Variants in ITPR2 observed in about 807,000 individuals in gnomAD.
ITPR2 encodes inositol 1,4,5-trisphosphate-gated calcium channel ITPR2.
ITPR2 carries 207 observed loss-of-function variants against 317.1 expected under a neutral mutation model. The ratio of observed to expected loss-of-function variants is 0.65; its 90% confidence interval spans 0.58 to 0.73. The LOEUF (loss-of-function observed/expected upper bound fraction) is 0.73. Ranked by LOEUF, ITPR2 falls within the 30% of genes least tolerant of loss-of-function variation. The pLI, the probability that ITPR2 is intolerant of heterozygous loss-of-function variation, is 0.00. For missense variants in ITPR2, 2,613 were observed against 3,284.0 expected (o/e 0.80, Z 4.99); for synonymous variants, 1,156 against 1,149.1 (o/e 1.01, Z -0.12).
intron 26 of ITPR2, among the ~76,000 whole-genome samples, chr12:26,611,760 G>A (rs1000441396): frequency 1.3e-5 from 2 of 152,106 alleles, no homozygotes; most frequent in Admixed American, 6.5e-5. Context: ...TAAATAAAGC[G>A]GTGGATGAAC....
At chr12:26,609,334 C>A (rs1475071578) in intron 26 of ITPR2, among the ~76,000 whole-genome samples, 1 of 152,158 alleles carries the variant, frequency 6.6e-6, no homozygotes, top group East Asian at 1.9e-4. Flanking sequence ...AGGACAGGCG[C>A]AGGGGCTCAC....
rs991705869 is a variant in ITPR2 at position 26,726,047 on chromosome 12, A to G, written c.164-282T>C. 8.2e-5 allele frequency: 21 copies of G among 256,144 alleles called. No individual in the cohort carries two copies. The South Asian group carries it at 1.4e-3, about 18-fold the overall frequency. 15.9% of individuals were successfully genotyped at this position (256,144 alleles called of 1,614,324 possible). ...CAAACCCATGTAATTGTGGTATTAT[A>G]AGGCATGGATTAATTATAATGGGGC... On this transcript the variant is annotated intron_variant, in intron 2 of 56. Coordinates refer to ENST00000381340, the MANE Select transcript of ITPR2 (RefSeq NM_002223.4).
At chr12:26,728,327 G>A (rs1209390990) in intron 2 of ITPR2, among the ~76,000 whole-genome samples, 1 of 152,134 alleles carries the variant, frequency 6.6e-6, no homozygotes, top group Non-Finnish European at 1.5e-5. Context: ...TCAAGGAGGG[G>A]TAAGTGAAAA....
At chr12:26,485,366 C>T (rs1254483960) in intron 41 of ITPR2, among the ~76,000 whole-genome samples, 1 of 152,196 alleles carries the variant, frequency 6.6e-6, no homozygotes, top group Non-Finnish European at 1.5e-5. Flanking sequence ...CAATCAGATA[C>T]TATCTAATGT....
intron 45 of ITPR2, among the ~76,000 whole-genome samples, chr12:26,456,087 G>T (rs916798169): frequency 6.6e-6 from 1 of 152,148 alleles, no homozygotes; most frequent in Non-Finnish European, 1.5e-5. Flanking sequence ...TTAAACGGGG[G>T]CTGGATAAAA....
At chr12:26,654,344 G>A (rs1277421657) in intron 20 of ITPR2, among the ~76,000 whole-genome samples, 3 of 152,260 alleles carry the variant, frequency 2.0e-5, no homozygotes, top group South Asian at 4.2e-4. Context: ...GACTCAGAGT[G>A]CTTTAAGGTA....
chr12:26,662,061 T>G (rs1389036528), intron 15 of ITPR2, among the ~76,000 whole-genome samples: 1 of 152,206 alleles, frequency 6.6e-6, no homozygotes, highest in Non-Finnish European at 1.5e-5. Context: ...ATATCACCCC[T>G]AGCTCTTACT....
chr12:26,578,709 T>C lies in ITPR2; in HGVS notation c.4630+4A>G, dbSNP rs370159051. The C allele has an allele frequency of 2.5e-6, 4 of 1,595,922 alleles. No homozygotes were observed. Among genetic ancestry groups the C allele is most frequent in the Non-Finnish European group, 3.4e-6 (4 of 1,167,242 alleles). On this transcript the variant is annotated splice_donor_region_variant and intron_variant, in intron 34 of 56. Coordinates refer to ENST00000381340, the MANE Select transcript of ITPR2 (RefSeq NM_002223.4). The stretch of plus-strand genomic sequence containing the variant: ...AAATAAGTAAAACTCAAACTATGAC[T>C]TACCCACTTCAGCCAAAGTTCTGAT...
chr12:26,662,045 T>C (rs1394782353), intron 15 of ITPR2, among the ~76,000 whole-genome samples: 1 of 152,206 alleles, frequency 6.6e-6, no homozygotes, highest in Non-Finnish European at 1.5e-5. Flanking sequence ...ATTTAAGGAT[T>C]TGTTTATATC....
At chr12:26,361,768 T>G (rs1290261324) in intron 55 of ITPR2, among the ~76,000 whole-genome samples, 2 of 152,196 alleles carry the variant, frequency 1.3e-5, no homozygotes, top group Non-Finnish European at 2.9e-5. Context: ...CAAAATACAT[T>G]TATAAGCAAC....
intron 2 of ITPR2, among the ~76,000 whole-genome samples, chr12:26,726,462 T>C (rs1948925648): frequency 6.6e-6 from 1 of 152,210 alleles, no homozygotes. Context: ...TTTCGCCACA[T>C]GCTAATGATT....
At chr12:26,493,998 G>T in intron 39 of ITPR2, 155 bp downstream of exon 39, 1 of 559,766 alleles carries the variant, frequency 1.8e-6, no homozygotes, top group Non-Finnish European at 3.0e-6. Context: ...AGTTTCTACA[G>T]CAAACAAATT....
intron 10 of ITPR2, among the ~76,000 whole-genome samples, chr12:26,687,046 C>T (rs1287670908): frequency 6.6e-6 from 1 of 152,168 alleles, no homozygotes; most frequent in Non-Finnish European, 1.5e-5. Context: ...ATACCTAACT[C>T]CCCAGGCATA....
intron 26 of ITPR2, among the ~76,000 whole-genome samples, chr12:26,610,614 C>T (rs116761573): frequency 0.016 from 2,467 of 152,030 alleles, 72 homozygotes; most frequent in African/African-American, 0.057. Flanking sequence ...AATTCAAACT[C>T]CTATGAGGAA....
chr12:26,668,236 A>C (rs1037020112), intron 13 of ITPR2, among the ~76,000 whole-genome samples: 2 of 152,232 alleles, frequency 1.3e-5, no homozygotes, highest in East Asian at 3.8e-4. Context: ...GGGACCAAAA[A>C]CACATGATAG....
At chr12:26,725,869 G>T in intron 2 of ITPR2, 104 bp from the exon 3 acceptor site, 1 of 735,296 alleles carries the variant, frequency 1.4e-6, no homozygotes, top group Non-Finnish European at 2.3e-6. Flanking sequence ...TGATTATACA[G>T]AACAGTTAAA....
intron 13 of ITPR2, among the ~76,000 whole-genome samples, chr12:26,670,472 G>C (rs1292349025): frequency 2.0e-5 from 3 of 152,212 alleles, no homozygotes; most frequent in South Asian, 2.1e-4. Context: ...AACTCCAACA[G>C]ACCTGCAGCT....
At chr12:26,476,020 T>C (rs1262060747) in intron 44 of ITPR2, among the ~76,000 whole-genome samples, 2 of 152,234 alleles carry the variant, frequency 1.3e-5, no homozygotes, top group Non-Finnish European at 2.9e-5. Flanking sequence ...GTGCCATTGT[T>C]GAATAAATAT....
At chr12:26,517,309 A>C (rs3963792) in intron 37 of ITPR2, among the ~76,000 whole-genome samples, 120,836 of 152,114 alleles carry the variant, frequency 0.79, 48,847 homozygotes, top group Non-Finnish European at 0.88. Context: ...CAATGAAAGT[A>C]TAATATCCAG....
Sources: gnomAD v4.1 joint callset for allele counts (sites outside exome capture counted in the v4.1 genomes callset) on GRCh38, gnomAD v4.1.1 for gene constraint, MANE v1.5 for transcripts, NCBI Gene and HGNC (gene_info 2026-07-23, HGNC 2026-07-21) for gene names.